GPC6: variants seen among roughly 807,000 people sequenced by gnomAD.
GPC6 encodes glypican-6.
GPC6 carries 14 observed loss-of-function variants against 55.2 expected under a neutral mutation model. The observed-to-expected ratio is 0.25, with a 90% confidence interval of 0.17 to 0.40. The LOEUF (loss-of-function observed/expected upper bound fraction) is 0.40. Ranked by LOEUF, GPC6 falls within the 10% of genes least tolerant of loss-of-function variation. The pLI is 1.00. For synonymous variants in GPC6, 278 were observed against 259.6 expected (o/e 1.07, Z -0.68); for missense variants, 641 against 708.5 (o/e 0.90, Z 1.08).
chr13:93,409,698 C>G (rs1482148124), intron 1 of GPC6, among the ~76,000 whole-genome samples: 1 of 152,148 alleles, frequency 6.6e-6, no homozygotes, highest in Non-Finnish European at 1.5e-5. Flanking sequence ...ATTTGTTGAG[C>G]TTTTTCTGTG....
At chr13:93,879,589 T>C (rs1328516999) in intron 3 of GPC6, among the ~76,000 whole-genome samples, 3 of 151,124 alleles carry the variant, frequency 2.0e-5, no homozygotes, top group Non-Finnish European at 4.4e-5. Flanking sequence ...ACTTAAACGT[T>C]AGACCTAAAA....
intron 1 of GPC6, among the ~76,000 whole-genome samples, chr13:93,231,626 G>A (rs746642147): frequency 1.3e-5 from 2 of 151,286 alleles, no homozygotes; most frequent in African/African-American, 2.4e-5. Context: ...TTTTCTGAAC[G>A]TTTTCTGGCA....
chr13:94,087,174 C>T (rs1181727716), intron 4 of GPC6, among the ~76,000 whole-genome samples: 1 of 152,178 alleles, frequency 6.6e-6, no homozygotes, highest in Non-Finnish European at 1.5e-5. Flanking sequence ...TACATGCTCC[C>T]TGTTGGGGAA....
chr13:93,843,802 G>T (rs1347267934), intron 3 of GPC6, among the ~76,000 whole-genome samples: 2 of 152,138 alleles, frequency 1.3e-5, no homozygotes, highest in African/African-American at 4.8e-5. Flanking sequence ...CACTCCTGGA[G>T]TTGGCCTGAT....
chr13:93,537,515 A>G (rs928715812), intron 1 of GPC6, among the ~76,000 whole-genome samples: 12 of 151,552 alleles, frequency 7.9e-5, no homozygotes, highest in South Asian at 2.1e-4. Flanking sequence ...GAAGAAACCT[A>G]TTTCCTCTTA....
chr13:93,259,800 T>A (rs1877074815), intron 1 of GPC6, among the ~76,000 whole-genome samples: 1 of 152,000 alleles, frequency 6.6e-6, no homozygotes, highest in East Asian at 1.9e-4. Context: ...ATTTTTTTAA[T>A]AATAATATAG....
intron 7 of GPC6, among the ~76,000 whole-genome samples, chr13:94,389,135 A>G (rs1880535125): frequency 6.6e-6 from 1 of 152,204 alleles, no homozygotes; most frequent in Admixed American, 6.5e-5. Context: ...CTCCACTCAG[A>G]CAAATAGGAA....
chr13:93,862,393 C>T (rs1888842285), intron 3 of GPC6, among the ~76,000 whole-genome samples: 1 of 151,216 alleles, frequency 6.6e-6, no homozygotes, highest in Non-Finnish European at 1.5e-5. Context: ...TCCGTGAGTT[C>T]ATATTTAGGG....
At chr13:93,592,522 T>G (rs573905631) in intron 2 of GPC6, among the ~76,000 whole-genome samples, 56 of 150,840 alleles carry the variant, frequency 3.7e-4, no homozygotes, top group Admixed American at 2.2e-3. Flanking sequence ...GTGCTGGGAT[T>G]ACAGGTGTAG....
intron 4 of GPC6, among the ~76,000 whole-genome samples, chr13:94,190,420 G>T (rs948304745): frequency 1.3e-5 from 2 of 152,100 alleles, no homozygotes; most frequent in Admixed American, 1.3e-4. Context: ...GCATTCTCCA[G>T]GCTGCTGAGG....
chr13:93,756,444 G>C (rs774425792), intron 2 of GPC6, among the ~76,000 whole-genome samples: 3 of 152,146 alleles, frequency 2.0e-5, no homozygotes, highest in African/African-American at 4.8e-5. Flanking sequence ...ACAGAGCTGA[G>C]CTAGCTTTCT....
intron 1 of GPC6, among the ~76,000 whole-genome samples, chr13:93,428,771 T>C (rs1024235546): frequency 1.3e-5 from 2 of 152,186 alleles, no homozygotes; most frequent in African/African-American, 2.4e-5. Flanking sequence ...ATAAAACCTC[T>C]TCTTCCCTAT....
At chr13:93,460,658 A>G (rs1878644277) in intron 1 of GPC6, among the ~76,000 whole-genome samples, 3 of 152,310 alleles carry the variant, frequency 2.0e-5, no homozygotes, top group South Asian at 4.1e-4. Context: ...ATAATTATCT[A>G]GACATGAAAG....
At chr13:93,392,191 A>G (rs1293382026) in intron 1 of GPC6, among the ~76,000 whole-genome samples, 1 of 152,168 alleles carries the variant, frequency 6.6e-6, no homozygotes, top group Non-Finnish European at 1.5e-5. Context: ...CTACACTGCT[A>G]TTCAATAACT....
chr13:94,303,765 C>CAAAAAAAA (rs11300129), intron 5 of GPC6, among the ~76,000 whole-genome samples: 1 of 98,290 alleles, frequency 1.0e-5, no homozygotes. Context: ...TAACTCCCTC[C>CAAAAAAAA]AAAAAAAAAA....
intron 1 of GPC6, among the ~76,000 whole-genome samples, chr13:93,413,172 T>C (rs1285766994): frequency 3.3e-5 from 5 of 152,202 alleles, no homozygotes; most frequent in Non-Finnish European, 7.3e-5. Flanking sequence ...TTAGTGTTGA[T>C]TTGTTCAGAC....
chr13:93,808,822 T>C (rs1409288573), intron 2 of GPC6, among the ~76,000 whole-genome samples: 4 of 152,150 alleles, frequency 2.6e-5, no homozygotes, highest in African/African-American at 9.7e-5. Context: ...TATTTTAAGC[T>C]TCCTGTTTGG....
chr13:94,206,076 C>A (rs907644831), intron 4 of GPC6, among the ~76,000 whole-genome samples: 1 of 152,090 alleles, frequency 6.6e-6, no homozygotes, highest in Non-Finnish European at 1.5e-5. Context: ...GGTTGAGAAA[C>A]CCTGACCTAG....
chr13:93,644,006 G>C (rs1254269099), intron 2 of GPC6, among the ~76,000 whole-genome samples: 1 of 151,954 alleles, frequency 6.6e-6, no homozygotes, highest in East Asian at 1.9e-4. Context: ...TGATGTCCTT[G>C]TTCTGAGTGG....
Sources: gnomAD v4.1 joint callset for allele counts (sites outside exome capture counted in the v4.1 genomes callset) on GRCh38, gnomAD v4.1.1 for gene constraint, MANE v1.5 for transcripts, NCBI Gene and HGNC (gene_info 2026-07-23, HGNC 2026-07-21) for gene names.